Variants in DDHD2 observed in about 807,000 individuals in gnomAD.
DDHD2 encodes the protein DDHD domain containing 2, also known as triacylglycerol hydrolase DDHD2.
In DDHD2, 62 loss-of-function variants were observed where a neutral mutation model predicts 91.2. The observed-to-expected ratio is 0.68, with a 90% confidence interval of 0.55 to 0.84. The LOEUF is 0.84. Ranked by LOEUF, DDHD2 falls within the 40% of genes least tolerant of loss-of-function variation. DDHD2 has a pLI of 0.00. For missense variants in DDHD2, 740 were observed against 846.9 expected (o/e 0.87, Z 1.57); for synonymous variants, 271 against 293.9 (o/e 0.92, Z 0.80).
At chr8:38,239,703 A>G (rs1439165489) in intron 5 of DDHD2, among the ~76,000 whole-genome samples, 2 of 137,776 alleles carry the variant, frequency 1.5e-5, no homozygotes, top group African/African-American at 2.7e-5. Context: ...AAAAAAAACC[A>G]TAATTTAAAA....
Position 38,260,894 on chromosome 8 carries a change from G to A in DDHD2, c.*321G>A, listed in dbSNP as rs182601590. 1 of 152,288 alleles carries A rather than the reference G, an allele frequency of 6.6e-6. No individual in the cohort carries two copies. The highest frequency in any genetic ancestry group is 1.9e-4 in the East Asian group (1 of 5,184). 9.4% of individuals were successfully genotyped at this position (152,288 alleles called of 1,614,324 possible). A position where few individuals can be genotyped will look rare whatever the true frequency, so the allele number is the denominator to read the frequency against. On this transcript the variant is annotated 3_prime_UTR_variant, in exon 18 of 18. Coordinates refer to ENST00000397166, the MANE Select transcript of DDHD2 (RefSeq NM_015214.3). ...ACTTTATTGATTAGTACTTGACAGG[G>A]TGTAAAGCCTATTTTGGGTTTGATT...
At chr8:38,242,165 A>G in intron 6 of DDHD2, 85 bp from the exon 7 acceptor site, 2 of 1,076,480 alleles carry the variant, frequency 1.9e-6, no homozygotes, top group Non-Finnish European at 2.7e-6. Context: ...AAATGTAGTT[A>G]GAGTATAATT....
chr8:38,238,852 T>C (rs1195729340), intron 5 of DDHD2: 1 of 340,284 alleles, frequency 2.9e-6, no homozygotes, highest in Non-Finnish European at 4.2e-6. Flanking sequence ...ATACACATTA[T>C]GGTATTAAAG....
Position 38,268,239 on chromosome 8 carries a change from T to C in DDHD2, n.88-2883T>C, listed in dbSNP as rs145364972. The C allele has an allele frequency of 1.2e-4, 126 of 1,074,440 alleles. No individual in the cohort carries two copies. In the African/African-American group the frequency reaches 1.7e-3, roughly 14 times the overall value. 66.6% of individuals were successfully genotyped at this position (1,074,440 alleles called of 1,614,324 possible). A position where few individuals can be genotyped will look rare whatever the true frequency, so the allele number is the denominator to read the frequency against. On this transcript the variant is annotated intron_variant and non_coding_transcript_variant, in intron 1 of 1. Transcript: ENST00000526071. ...AAGTCCCTGCAGTGCTATTTTCCTC[T>C]CCCGCGGGGATAGAGTTCCTTTAGG...
chr8:38,252,867 C>CAT, intron 14 of DDHD2, 43 bp downstream of exon 14: 1 of 1,606,710 alleles, frequency 6.2e-7, no homozygotes, highest in Non-Finnish European at 8.5e-7. Context: ...ACCTTTTGGC[C>CAT]AGTGCAAAGG....
downstream of DDHD2, chr8:38,264,839 G>A: frequency 1.1e-5 from 18 of 1,589,816 alleles, no homozygotes; most frequent in Non-Finnish European, 1.5e-5. Flanking sequence ...TCTTAAGTAA[G>A]TATAATAAGC....
chr8:38,267,299 C>T (rs764902567), downstream of DDHD2: 1 of 1,613,984 alleles, frequency 6.2e-7, no homozygotes, highest in South Asian at 1.1e-5. Flanking sequence ...GCTCTTTCGG[C>T]CCTCATTCAC....
rs767838668 is a variant in DDHD2 at position 38,268,895 on chromosome 8, G to C, written n.88-2227G>C. The C allele has an allele frequency of 6.4e-6, 10 of 1,553,226 alleles. No homozygotes were observed. The Admixed American group carries it at 1.9e-4, about 30-fold the overall frequency. On this transcript the variant is annotated intron_variant and non_coding_transcript_variant, in intron 1 of 1. Coordinates refer to the DDHD2 transcript ENST00000526071. ...TTCTCCACGCACAAACATCGGCTTG[G>C]TGGGGAAATACTCCGCCTCCACGTA... is the stretch of plus-strand genomic sequence containing the variant.
intron 11 of DDHD2, chr8:38,251,267 T>C (rs756477587): frequency 1.3e-5 from 2 of 152,278 alleles, no homozygotes; most frequent in African/African-American, 2.4e-5. Flanking sequence ...GGTCTTGAGC[T>C]CCTGACCTCA....
intron 10 of DDHD2, 128 bp from the exon 11 acceptor site, chr8:38,249,575 TGGAAG>T: frequency 4.4e-6 from 2 of 456,486 alleles, no homozygotes; most frequent in Middle Eastern, 6.2e-4. Flanking sequence ...TCCTTTTTTC[TGGAAG>T]TTATTCTATG....
At chr8:38,236,272 A>G (rs1483455646) in intron 3 of DDHD2, among the ~76,000 whole-genome samples, 2 of 151,882 alleles carry the variant, frequency 1.3e-5, no homozygotes, top group Non-Finnish European at 2.9e-5. Context: ...TCGGCCTCCC[A>G]AAGTGCTGGG....
chr8:38,243,626 C>T, intron 7 of DDHD2, among the ~76,000 whole-genome samples: 1 of 151,846 alleles, frequency 6.6e-6, no homozygotes, highest in East Asian at 1.9e-4. Context: ...TCTTAGACAT[C>T]CTGTAATTTC....
At chr8:38,235,443 C>T (rs149119930) in intron 3 of DDHD2, among the ~76,000 whole-genome samples, 59 of 151,958 alleles carry the variant, frequency 3.9e-4, no homozygotes, top group Middle Eastern at 6.8e-3. Flanking sequence ...AAAAATACTC[C>T]GGGCCTGGTG....
rs778210220 is a variant in DDHD2 at position 38,242,231 on chromosome 8, A to G, written c.713-19A>G. 8.9e-6 allele frequency: 14 copies of G among 1,571,502 alleles called. No individual in the cohort carries two copies. In the East Asian group the frequency reaches 3.2e-4, roughly 36 times the overall value. The stretch of plus-strand genomic sequence containing the variant: ...TTTGTTACTTCATTGTTGATGCATA[A>G]GTTAATTTTCTTTTCCAGTTAATGA... On this transcript the variant is annotated intron_variant, in intron 6 of 17. Transcript: ENST00000397166.
intron 1 of DDHD2, chr8:38,268,735 A>G (rs1808146604): frequency 7.0e-7 from 1 of 1,430,510 alleles, no homozygotes; most frequent in Non-Finnish European, 9.1e-7. Context: ...GATCTTAAAC[A>G]CTCGAGCCCT....
downstream of DDHD2, chr8:38,267,384 G>GGCGTGGCCTGGAAGAAAGCA (rs766098516): frequency 2.5e-6 from 4 of 1,613,160 alleles, no homozygotes; most frequent in Non-Finnish European, 3.4e-6. Flanking sequence ...AAGAAATCTG[G>GGCGTGGCCTGGAAGAAAGCA]GCGTGGCCTG....
intron 1 of DDHD2, 144 bp from the exon 2 acceptor site, chr8:38,232,843 G>T (rs908919358): frequency 4.8e-6 from 3 of 622,532 alleles, no homozygotes; most frequent in South Asian, 4.1e-5. Context: ...GCTAATTTAT[G>T]TTATTTCTCT....
chr8:38,254,577 G>A (rs1806362694), intron 16 of DDHD2, among the ~76,000 whole-genome samples: 1 of 151,968 alleles, frequency 6.6e-6, no homozygotes. Context: ...TCGCCATGTT[G>A]CCCAGGCTGG....
chr8:38,238,632 T>G (rs1473925488), intron 5 of DDHD2: 3 of 978,230 alleles, frequency 3.1e-6, no homozygotes, highest in East Asian at 1.1e-4. Context: ...TTATAATATA[T>G]TTAATTGGAT....
Sources: allele counts gnomAD v4.1 joint callset (sites outside exome capture counted in the v4.1 genomes callset), GRCh38; gene constraint gnomAD v4.1.1; transcripts MANE v1.5; gene names NCBI Gene and HGNC (gene_info 2026-07-23, HGNC 2026-07-21).